The following PRTG variants were observed in gnomAD, a reference collection of about 807,000 sequenced individuals.
PRTG encodes the protein protogenin.
PRTG carries 67 observed loss-of-function variants against 122.5 expected under a neutral mutation model. The observed-to-expected ratio is 0.55, with a 90% CI of 0.45 to 0.67. The LOEUF (loss-of-function observed/expected upper bound fraction) is 0.67, where lower values mean the gene tolerates loss of function less well. Among genes scored for constraint, PRTG ranks in the 30% least tolerant of loss-of-function variants. The pLI is 0.00. For synonymous variants in PRTG, 554 were observed against 501.1 expected, an observed-to-expected ratio of 1.11 and a Z score of -1.41; for missense variants, 1,435 against 1,415.4, an observed-to-expected ratio of 1.01 and a Z score of -0.22.
intron 11 of PRTG, among the ~76,000 whole-genome samples, chr15:55,650,176 T>C (rs1266934014): frequency 6.6e-6 from 1 of 152,172 alleles, no homozygotes; most frequent in Non-Finnish European, 1.5e-5. Flanking sequence ...ATCTGTACGA[T>C]TAGAAAGCTG....
At chr15:55,716,151 T>C (rs1255664432) in intron 2 of PRTG, among the ~76,000 whole-genome samples, 5 of 152,318 alleles carry the variant, frequency 3.3e-5, no homozygotes, top group East Asian at 3.9e-4. Flanking sequence ...GAGAATCGCT[T>C]GAACCCTAGA....
chr15:55,684,060 C>T, intron 2 of PRTG, 129 bp from the exon 3 acceptor site: 1 of 620,370 alleles, frequency 1.6e-6, no homozygotes, highest in South Asian at 3.5e-5. Context: ...ACTTAACCAG[C>T]ATGAAGATAA....
At chr15:55,623,031 T>C (rs1003774646) in intron 18 of PRTG, among the ~76,000 whole-genome samples, 1 of 152,208 alleles carries the variant, frequency 6.6e-6, no homozygotes, top group African/African-American at 2.4e-5. Context: ...CTGTACTAGA[T>C]ACAAGTAAAT....
At position 55,639,593 on chromosome 15, in the gene PRTG, G is replaced by A. The variant is rs775518355; in HGVS notation, c.2324+49C>T. ...GGTAAGAGGTAGAAGTTGGAGTGGG[G>A]GTGTGGTGAGGTAAGCAAAGAAAAT... On this transcript the variant is annotated intron_variant, in intron 13 of 19. Coordinates refer to ENST00000389286, the MANE Select transcript of PRTG (RefSeq NM_173814.6). 51 of 1,513,758 alleles carry A rather than the reference G, an allele frequency of 3.4e-5. No individual in the cohort carries two copies. The South Asian group carries it at 5.3e-4, about 16-fold the overall frequency. The allele number at this position is 1,513,758 out of a possible 1,614,324, so 93.8% of individuals were successfully genotyped here.
intron 2 of PRTG, among the ~76,000 whole-genome samples, chr15:55,720,657 T>C (rs2030781203): frequency 6.6e-6 from 1 of 152,210 alleles, no homozygotes; most frequent in African/African-American, 2.4e-5. Context: ...ATGCTCATCC[T>C]GCTCCATCCA....
rs567779441 is a variant in PRTG at position 55,623,583 on chromosome 15, A to G, written c.3093+759T>C. On this transcript the variant is annotated intron_variant, in intron 18 of 19. Coordinates refer to ENST00000389286, the MANE Select transcript of PRTG (RefSeq NM_173814.6). ...CTCCATCTTAAAAAAAAAGTAAAAA[A>G]CAGTCTTAGCTCAGAAGGTAGCCAA... 9.9e-5 allele frequency among the ~76,000 whole-genome samples: 15 copies of G among 152,224 alleles called. No homozygotes were observed. The South Asian group carries it at 2.5e-3, about 25-fold the overall frequency.
At chr15:55,682,842 T>C (rs1595647690) in intron 3 of PRTG, among the ~76,000 whole-genome samples, 2 of 152,146 alleles carry the variant, frequency 1.3e-5, no homozygotes, top group South Asian at 4.1e-4. Context: ...GAATTACAGG[T>C]GTGAGCCACC....
intron 16 of PRTG, 74 bp downstream of exon 16, chr15:55,628,748 G>T: frequency 8.6e-7 from 1 of 1,166,852 alleles, no homozygotes; most frequent in Non-Finnish European, 1.2e-6. Context: ...GCAATTGTAG[G>T]AGCAGAAATA....
intron 11 of PRTG, among the ~76,000 whole-genome samples, chr15:55,652,999 TAAA>T (rs1365020527): frequency 6.6e-6 from 1 of 152,196 alleles, no homozygotes; most frequent in Non-Finnish European, 1.5e-5. Context: ...AAGCCTAGAT[TAAA>T]AATTCATTCT....
chr15:55,676,529 T>C (rs1283259711), intron 8 of PRTG, among the ~76,000 whole-genome samples: 1 of 152,190 alleles, frequency 6.6e-6, no homozygotes, highest in Non-Finnish European at 1.5e-5. Flanking sequence ...ATTCCAGTAT[T>C]AAGTTTTCCC....
chr15:55,652,939 C>T (rs986839945), intron 11 of PRTG, among the ~76,000 whole-genome samples: 2 of 151,952 alleles, frequency 1.3e-5, no homozygotes, highest in African/African-American at 4.8e-5. Context: ...CATGAAGGTA[C>T]TAGTATGCTG....
intron 11 of PRTG, among the ~76,000 whole-genome samples, chr15:55,652,921 A>G (rs1339208067): frequency 1.3e-5 from 2 of 152,176 alleles, no homozygotes; most frequent in Non-Finnish European, 2.9e-5. Context: ...GATTAAAATA[A>G]TATCTTACAT....
chr15:55,737,650 T>C (rs2031452268), intron 2 of PRTG, among the ~76,000 whole-genome samples: 1 of 152,214 alleles, frequency 6.6e-6, no homozygotes, highest in South Asian at 2.1e-4. Context: ...GGCCAGTTTC[T>C]AACCTTTTAA....
intron 2 of PRTG, among the ~76,000 whole-genome samples, chr15:55,700,840 C>T (rs1361173427): frequency 6.6e-6 from 1 of 152,142 alleles, no homozygotes; most frequent in Non-Finnish European, 1.5e-5. Context: ...AAAGAACAGA[C>T]TCTCCCACAG....
At chr15:55,738,002 C>CTATATA (rs1178371931) in intron 2 of PRTG, among the ~76,000 whole-genome samples, 1 of 96,688 alleles carries the variant, frequency 1.0e-5, no homozygotes, top group African/African-American at 3.7e-5. Context: ...CTCTCTCTCT[C>CTATATA]TATATATATA....
intron 11 of PRTG, among the ~76,000 whole-genome samples, chr15:55,654,493 T>C (rs898882294): frequency 2.0e-5 from 3 of 152,136 alleles, no homozygotes; most frequent in Non-Finnish European, 2.9e-5. Context: ...AATTAAGGTA[T>C]AAAATTTACA....
chr15:55,640,542 A>G (rs1488734278), intron 12 of PRTG, among the ~76,000 whole-genome samples: 1 of 152,240 alleles, frequency 6.6e-6, no homozygotes, highest in Non-Finnish European at 1.5e-5. Flanking sequence ...ACAAGTGAAC[A>G]GCAATTGGAG....
chr15:55,739,629 T>A (rs1198674353), intron 2 of PRTG, among the ~76,000 whole-genome samples: 1 of 151,912 alleles, frequency 6.6e-6, no homozygotes, highest in African/African-American at 2.4e-5. Flanking sequence ...GCATAAGGAG[T>A]TCAGTACTTG....
intron 2 of PRTG, among the ~76,000 whole-genome samples, chr15:55,704,515 T>C (rs1415577424): frequency 6.6e-6 from 1 of 152,240 alleles, no homozygotes; most frequent in Non-Finnish European, 1.5e-5. Flanking sequence ...ATAAACATTA[T>C]AGCATTGTTC....
Sources: gnomAD v4.1 joint callset for allele counts (sites outside exome capture counted in the v4.1 genomes callset) on GRCh38, gnomAD v4.1.1 for gene constraint, MANE v1.5 for transcripts, NCBI Gene and HGNC (gene_info 2026-07-23, HGNC 2026-07-21) for gene names.